KIRREL3: variants seen among roughly 807,000 people sequenced by gnomAD.
KIRREL3 encodes kin of IRRE-like protein 3.
Under a neutral mutation model 89.7 loss-of-function variants are expected in KIRREL3, and 36 were observed. That is an observed-to-expected ratio of 0.40 (90% CI 0.31 to 0.53). KIRREL3 has a LOEUF of 0.53. Among genes scored for constraint, KIRREL3 ranks in the 20% least tolerant of loss-of-function variants. The pLI, the probability that KIRREL3 is intolerant of heterozygous loss-of-function variation, is 0.49. For synonymous variants in KIRREL3, 445 were observed against 441.4 expected (o/e 1.01, Z -0.10); for missense variants, 864 against 1,056.6 (o/e 0.82, Z 2.53).
At position 126,897,993 on chromosome 11, in the gene KIRREL3, G is replaced by A. The variant is rs960464041; in HGVS notation, c.55+102462C>T. 1.3e-5 allele frequency among the ~76,000 whole-genome samples: 2 copies of A among 152,164 alleles called. No individual in the cohort carries two copies. Among genetic ancestry groups the A allele is most frequent in the Non-Finnish European group, 1.5e-5 (1 of 68,030 alleles). On this transcript the variant is annotated intron_variant, in intron 1 of 16. Transcript: ENST00000525144. The surrounding 1 kb of genome is among the most constrained non-coding windows in gnomAD (Gnocchi z 4.2). ...CTGTCCACACTGGTCTAGCACTATT[G>A]TGTCACTGAATTCCTACAGAATCTT...
chr11:126,955,773 A>T lies in KIRREL3; in HGVS notation c.55+44682T>A, dbSNP rs192381027. 6.6e-6 allele frequency among the ~76,000 whole-genome samples: 1 copy of T among 152,344 alleles called. No individual in the cohort carries two copies. Among genetic ancestry groups the T allele is most frequent in the African/African-American group, 2.4e-5 (1 of 41,586 alleles). ...CATGATGCTCGTCCTCAGAAAGCTT[A>T]GCTCTAGTGAGAGAGAAGCATTCAG... On this transcript the variant is annotated intron_variant, in intron 1 of 16. Coordinates refer to ENST00000525144, the MANE Select transcript of KIRREL3 (RefSeq NM_032531.4). The surrounding 1 kb of genome is among the most constrained non-coding windows in gnomAD (Gnocchi z 4.6).
At chr11:126,630,203 A>C (rs551369970) in intron 1 of KIRREL3, among the ~76,000 whole-genome samples, 236 of 152,092 alleles carry the variant, frequency 1.6e-3, no homozygotes, top group Non-Finnish European at 3.0e-3. Flanking sequence ...TAGTCTTTGG[A>C]CTTCTCCAAA....
chr11:126,427,814 C>T lies in KIRREL3; in HGVS notation c.1806+1365G>A, dbSNP rs896937509. On this transcript the variant is annotated intron_variant, in intron 15 of 16. Coordinates refer to ENST00000525144, the MANE Select transcript of KIRREL3 (RefSeq NM_032531.4). The surrounding 1 kb of genome is among the most constrained non-coding windows in gnomAD (Gnocchi z 5.3). ...GTGGATTGAGAAAAGAGACAAAAGA[C>T]TACAAGGCTGAGACCAACTGGGAGG... Among the ~76,000 whole-genome samples, 21 of 152,152 alleles carry T rather than the reference C, an allele frequency of 1.4e-4. No individual in the cohort carries two copies. Among genetic ancestry groups the T allele is most frequent in the African/African-American group, 5.1e-4 (21 of 41,436 alleles).
rs186005859 is a variant in KIRREL3 at position 126,495,823 on chromosome 11, A to C, written c.434-22357T>G. Reference sequence around the variant, plus strand: ...TCAGGACACTGGGACTCTAGTCCTGACACTCAGCAAATGGCAACTGCATGC... The same window carrying C: ...TCAGGACACTGGGACTCTAGTCCTGCCACTCAGCAAATGGCAACTGCATGC... On this transcript the variant is annotated intron_variant, in intron 4 of 16. Coordinates refer to ENST00000525144, the MANE Select transcript of KIRREL3 (RefSeq NM_032531.4). The surrounding 1 kb of genome is among the most constrained non-coding windows in gnomAD (Gnocchi z 6.5). Among the ~76,000 whole-genome samples the C allele has an allele frequency of 7.9e-4, 120 of 152,334 alleles. No individual in the cohort carries two copies. Among genetic ancestry groups the C allele is most frequent in the African/African-American group, 2.1e-3 (86 of 41,572 alleles).
chr11:126,563,328 C>T lies in KIRREL3; in HGVS notation c.56-416G>A, dbSNP rs1481512940. Among the ~76,000 whole-genome samples, 1 of 152,276 alleles carries T rather than the reference C, an allele frequency of 6.6e-6. No homozygotes were observed. Among genetic ancestry groups the T allele is most frequent in the South Asian group, 2.1e-4 (1 of 4,824 alleles). On this transcript the variant is annotated intron_variant, in intron 1 of 16. Transcript: ENST00000525144. The surrounding 1 kb of genome is among the most constrained non-coding windows in gnomAD (Gnocchi z 6.8). ...AGATCAACTTGGGACTGTGGCCAGA[C>T]CTGCCAGGGATGATGCAGAATCTAT...
At chr11:126,902,090 C>T (rs1043200024) in intron 1 of KIRREL3, among the ~76,000 whole-genome samples, 1 of 152,190 alleles carries the variant, frequency 6.6e-6, no homozygotes, top group African/African-American at 2.4e-5. Context: ...ACTATCCTGG[C>T]TCCTGGGCAT....
chr11:126,432,844 CTGT>C lies in KIRREL3; in HGVS notation c.1589-1321_1589-1319del, dbSNP rs1213012463. Among the ~76,000 whole-genome samples, 5 of 152,124 alleles carry C rather than the reference CTGT, an allele frequency of 3.3e-5. No homozygotes were observed. The East Asian group carries it at 5.8e-4, about 18-fold the overall frequency. ...GGCACCCAGCCCTGTTTGGTGTTTGCTGTTGTTGTTACCCAGGAAGGGGTCACC... is the reference window on the plus strand; with the variant it reads ...GGCACCCAGCCCTGTTTGGTGTTTGCTGTTGTTACCCAGGAAGGGGTCACC... On this transcript the variant is annotated intron_variant, in intron 13 of 16. Coordinates refer to ENST00000525144, the MANE Select transcript of KIRREL3 (RefSeq NM_032531.4). This position sits in a 1 kb window ranked among gnomAD's most constrained non-coding sequence, Gnocchi z 6.2.
At chr11:126,779,660 G>A (rs931456220) in intron 1 of KIRREL3, among the ~76,000 whole-genome samples, 3 of 152,102 alleles carry the variant, frequency 2.0e-5, no homozygotes, top group Non-Finnish European at 2.9e-5. Flanking sequence ...GGACACAGTA[G>A]GTGCTTAATA....
chr11:126,886,256 C>G (rs964709801), intron 1 of KIRREL3, among the ~76,000 whole-genome samples: 1 of 152,118 alleles, frequency 6.6e-6, no homozygotes, highest in Non-Finnish European at 1.5e-5. Context: ...AGTATAGCTC[C>G]CTGCATGATG....
intron 1 of KIRREL3, among the ~76,000 whole-genome samples, chr11:126,958,182 T>C (rs1258036501): frequency 6.6e-6 from 1 of 152,130 alleles, no homozygotes; most frequent in Non-Finnish European, 1.5e-5. Flanking sequence ...GTTTAAAAAA[T>C]AATAATAAAA....
chr11:126,581,861 T>C (rs571155233), intron 1 of KIRREL3, among the ~76,000 whole-genome samples: 4 of 152,084 alleles, frequency 2.6e-5, no homozygotes, highest in Non-Finnish European at 5.9e-5. Flanking sequence ...CGGAAGGGAA[T>C]GGAAGGGACA....
intron 2 of KIRREL3, among the ~76,000 whole-genome samples, chr11:126,554,599 G>A (rs2134550006): frequency 6.6e-6 from 1 of 152,312 alleles, no homozygotes; most frequent in South Asian, 2.1e-4. Flanking sequence ...GAAGGTCACT[G>A]TCCTCACTTT....
chr11:126,437,062 C>T (rs1034202041), intron 11 of KIRREL3, 53 bp from the exon 12 acceptor site: 142 of 1,432,428 alleles, frequency 9.9e-5, no homozygotes, highest in Non-Finnish European at 1.2e-4. Flanking sequence ...GCCCAGGACA[C>T]GCCCACACCA....
At chr11:126,861,474 G>A (rs1491003902) in intron 1 of KIRREL3, among the ~76,000 whole-genome samples, 1 of 152,114 alleles carries the variant, frequency 6.6e-6, no homozygotes, top group Non-Finnish European at 1.5e-5. Flanking sequence ...CCTTGACAGT[G>A]CCTTCCGTTG....
intron 1 of KIRREL3, among the ~76,000 whole-genome samples, chr11:126,784,212 C>G (rs140057644): frequency 2.7e-4 from 41 of 152,232 alleles, no homozygotes; most frequent in Admixed American, 4.6e-4. Context: ...GAAATGTAAA[C>G]GAAGTATGGA....
At position 126,788,887 on chromosome 11, in the gene KIRREL3, T is replaced by C. The variant is rs887411212; in HGVS notation, c.55+211568A>G. On this transcript the variant is annotated intron_variant, in intron 1 of 16. Transcript: ENST00000525144. The surrounding 1 kb of genome is among the most constrained non-coding windows in gnomAD (Gnocchi z 4.1). ...ATGTGTAGAAAATCAGCATTGTAAA[T>C]AATCATTATTATCAAAGAGTGTCAT... is the stretch of plus-strand genomic sequence containing the variant. Among the ~76,000 whole-genome samples, 2 of 152,166 alleles carry C rather than the reference T, an allele frequency of 1.3e-5. No homozygotes were observed. Among genetic ancestry groups the C allele is most frequent in the Non-Finnish European group, 2.9e-5 (2 of 68,026 alleles).
chr11:126,433,174 C>G (rs976391973), intron 13 of KIRREL3, among the ~76,000 whole-genome samples: 1 of 152,218 alleles, frequency 6.6e-6, no homozygotes, highest in Non-Finnish European at 1.5e-5. Context: ...CCATCGTTCC[C>G]GATCAGCAGT....
At chr11:126,829,996 CTT>C (rs1209685699) in intron 1 of KIRREL3, among the ~76,000 whole-genome samples, 1 of 152,172 alleles carries the variant, frequency 6.6e-6, no homozygotes, top group African/African-American at 2.4e-5. Flanking sequence ...CAATCTGCCT[CTT>C]TTGTTTTTCT....
chr11:126,551,483 C>A lies in KIRREL3; in HGVS notation c.133+11352G>T, dbSNP rs539954752. 2.0e-5 allele frequency among the ~76,000 whole-genome samples: 3 copies of A among 152,072 alleles called. No individual in the cohort carries two copies. The highest frequency in any genetic ancestry group is 4.4e-5 in the Non-Finnish European group (3 of 68,020). On this transcript the variant is annotated intron_variant, in intron 2 of 16. Transcript: ENST00000525144. This position sits in a 1 kb window ranked among gnomAD's most constrained non-coding sequence, Gnocchi z 4.9. ...GTGGATGAAATCCCCCCACCCCATG[C>A]GCCTCTATATAGAAACATGTCTAGA...
Sources: gnomAD v4.1 joint callset for allele counts (sites outside exome capture counted in the v4.1 genomes callset) on GRCh38, gnomAD v4.1.1 for gene constraint, Gnocchi (gnomAD v3.1) non-coding constraint, MANE v1.5 for transcripts, NCBI Gene and HGNC (gene_info 2026-07-23, HGNC 2026-07-21) for gene names.